The following RPL27A variants were observed in gnomAD, a reference collection of about 807,000 sequenced individuals.
The protein encoded by RPL27A is ribosomal protein L27a.
For missense variants in RPL27A, 118 were observed against 189.4 expected, an observed-to-expected ratio of 0.62 and a Z score of 2.21; for synonymous variants, 69 against 68.3, an observed-to-expected ratio of 1.01 and a Z score of -0.05.
chr11:8,682,812 A>C lies in RPL27A; in HGVS notation c.-2A>C. ...CCTTCCTTTTTCGTCTGGGCTGCCA[A>C]CATGGTAGGTGTTTCGTTTCTTGCC... On this transcript the variant is annotated 5_prime_UTR_variant, in exon 1 of 5. Transcript: ENST00000314138. 6.2e-7 allele frequency: 1 copy of C among 1,613,006 alleles called. No homozygotes were observed. The highest frequency in any genetic ancestry group is 8.5e-7 in the Non-Finnish European group (1 of 1,179,494).
chr11:8,683,094 C>G, intron 1 of RPL27A, 108 bp from the exon 2 acceptor site: 7 of 1,224,396 alleles, frequency 5.7e-6, no homozygotes, highest in Non-Finnish European at 4.8e-6. Context: ...CCCAAACGCT[C>G]CAGAAGTTAG....
intron 1 of RPL27A, 143 bp from the exon 2 acceptor site, chr11:8,683,059 T>G (rs1184586913): frequency 1.1e-6 from 1 of 950,430 alleles, no homozygotes; most frequent in Admixed American, 2.2e-5. Context: ...CTCACGGCCC[T>G]GAGCGGATCG....
chr11:8,683,895 T>C, intron 2 of RPL27A, 111 bp from the exon 3 acceptor site: 1 of 822,876 alleles, frequency 1.2e-6, no homozygotes, highest in East Asian at 2.4e-5. Context: ...TTGGCCAGGC[T>C]GGTCTCGAAC....
At position 8,685,881 on chromosome 11, in the gene RPL27A, C is replaced by G. The variant is rs954952967; in HGVS notation, c.*75C>G. The G allele has an allele frequency of 6.9e-7, 1 of 1,448,184 alleles. No homozygotes were observed. The highest frequency in any genetic ancestry group is 1.4e-5 in the African/African-American group (1 of 71,494). 89.7% of individuals were successfully genotyped at this position (1,448,184 alleles called of 1,614,324 possible). On this transcript the variant is annotated 3_prime_UTR_variant, in exon 5 of 5. Coordinates refer to ENST00000314138, the MANE Select transcript of RPL27A (RefSeq NM_000990.5). The stretch of plus-strand genomic sequence containing the variant: ...TGTGAGTGTAGGTTCTTCAGTGGCA[C>G]CTCTACATCCTGTGTGCATTGGGAG...
chr11:8,685,244 G>C (rs2039575391), intron 4 of RPL27A: 1 of 427,080 alleles, frequency 2.3e-6, no homozygotes, highest in Non-Finnish European at 4.4e-6. Context: ...GTCTGTCCTT[G>C]CGGGGGTTCT....
chr11:8,689,115 C>T lies in RPL27A; in HGVS notation c.*3309C>T, dbSNP rs1321054022. The T allele has an allele frequency of 6.6e-6, 1 of 152,274 alleles. No individual in the cohort carries two copies. The highest frequency in any genetic ancestry group is 1.5e-5 in the Non-Finnish European group (1 of 68,056). 9.4% of individuals were successfully genotyped at this position (152,274 alleles called of 1,614,324 possible). The stretch of plus-strand genomic sequence containing the variant: ...AGTGGTGCGCGAGCGCAGATAACTC[C>T]CCTGGAGAGGCGGGATGTTCAACTC... On this transcript the variant is annotated 3_prime_UTR_variant, in exon 5 of 5. Transcript: ENST00000314138.
At chr11:8,683,843 A>C in intron 2 of RPL27A, 163 bp from the exon 3 acceptor site, 1 of 658,148 alleles carries the variant, frequency 1.5e-6, no homozygotes, top group Non-Finnish European at 2.8e-6. Context: ...ACGCCCGGCT[A>C]ATTCTTTTTC....
intron 1 of RPL27A, 115 bp downstream of exon 1, chr11:8,682,931 G>A (rs1430293019): frequency 2.2e-6 from 3 of 1,370,160 alleles, no homozygotes. Context: ...GGCTGCGCAT[G>A]GCCGCCTGCG....
In RPL27A at chr11:8,687,114, C is replaced by T. The variant is rs1051119319; in HGVS notation, c.*1308C>T. 3 of 152,202 alleles carry T rather than the reference C, an allele frequency of 2.0e-5. No homozygotes were observed. The highest frequency in any genetic ancestry group is 4.8e-5 in the African/African-American group (2 of 41,442). The allele number at this position is 152,202 out of a possible 1,614,324, so 9.4% of individuals were successfully genotyped here. A position where few individuals can be genotyped will look rare whatever the true frequency, so the allele number is the denominator to read the frequency against. On this transcript the variant is annotated 3_prime_UTR_variant, in exon 5 of 5. Coordinates refer to ENST00000314138, the MANE Select transcript of RPL27A (RefSeq NM_000990.5). ...GCTAGAATTACAAGTAGTGAAACCT[C>T]GATTCAGCTGGACAATTTTAAACAA...
chr11:8,684,329 A>C (rs1386896059), intron 3 of RPL27A: 1 of 741,020 alleles, frequency 1.3e-6, no homozygotes, highest in Non-Finnish European at 2.5e-6. Flanking sequence ...GCCTTATGGC[A>C]CAGTCAGTCA....
chr11:8,688,928 C>T lies in RPL27A; in HGVS notation c.*3122C>T, dbSNP rs1347049742. 1 of 152,286 alleles carries T rather than the reference C, an allele frequency of 6.6e-6. No homozygotes were observed. Among genetic ancestry groups the T allele is most frequent in the African/African-American group, 2.4e-5 (1 of 41,474 alleles). 9.4% of individuals were successfully genotyped at this position (152,286 alleles called of 1,614,324 possible). ...CACGACCCGACCTCAGTGGCGTCCT[C>T]ACAACACAGACCGGACCTTGGGTCT... On this transcript the variant is annotated 3_prime_UTR_variant, in exon 5 of 5. Coordinates refer to ENST00000314138, the MANE Select transcript of RPL27A (RefSeq NM_000990.5).
At position 8,685,899 on chromosome 11, in the gene RPL27A, A is replaced by G; in HGVS notation, c.*93A>G. The G allele has an allele frequency of 1.6e-6, 2 of 1,272,378 alleles. No homozygotes were observed. The highest frequency in any genetic ancestry group is 2.3e-5 in the East Asian group (1 of 42,802). The allele number at this position is 1,272,378 out of a possible 1,614,324, so 78.8% of individuals were successfully genotyped here. A position where few individuals can be genotyped will look rare whatever the true frequency, so the allele number is the denominator to read the frequency against. On this transcript the variant is annotated 3_prime_UTR_variant, in exon 5 of 5. Transcript: ENST00000314138. ...AGTGGCACCTCTACATCCTGTGTGC[A>G]TTGGGAGCCCAGGTTCTAGTACTTA...
Position 8,684,752 on chromosome 11 carries a change from C to T in RPL27A, c.178C>T (p.His60Tyr). ...PGYFGKVGMK[H>Y]YHLKRNQSFC... The stretch of plus-strand genomic sequence containing the variant: ...CTACTTTGGGAAAGTTGGTATGAAG[C>T]ATTACCACTTAAAGAGGAACCAGAG... The change falls in exon 4 of 5, where the codon CAT (histidine) becomes TAT (tyrosine). Residue 60 changes from histidine (H) to tyrosine (Y), a missense_variant. Transcript: ENST00000314138. The T allele has an allele frequency of 6.2e-7, 1 of 1,614,084 alleles. No homozygotes were observed. The highest frequency in any genetic ancestry group is 8.5e-7 in the Non-Finnish European group (1 of 1,179,918).
chr11:8,684,318 G>T, intron 3 of RPL27A: 1 of 745,692 alleles, frequency 1.3e-6, no homozygotes, highest in East Asian at 2.5e-5. Context: ...ACTGGCTGTG[G>T]GCCTTATGGC....
rs2039552407 is a variant in RPL27A, at chr11:8,684,090, C to T, written c.143+9C>T. ...ATCAACTTCGACAAATAGTAAGTGT[C>T]CTTGGACTGCTTTTATTGACACAGC... On this transcript the variant is annotated intron_variant, in intron 3 of 4. Coordinates refer to ENST00000314138, the MANE Select transcript of RPL27A (RefSeq NM_000990.5). 2.1e-5 allele frequency: 34 copies of T among 1,609,872 alleles called. No homozygotes were observed. Among genetic ancestry groups the T allele is most frequent in the Non-Finnish European group, 2.8e-5 (33 of 1,176,652 alleles).
chr11:8,683,188 C>CA lies in RPL27A; in HGVS notation c.4-14_4-13insA. The CA allele has an allele frequency of 2.5e-6, 4 of 1,614,078 alleles. No individual in the cohort carries two copies. Among genetic ancestry groups the CA allele is most frequent in the Non-Finnish European group, 3.4e-6 (4 of 1,179,878 alleles). ...TAATTCCTTAGGCCTTACCACCAAG[C>CA]TTTTTCCACACAGCCATCCAGACTG... On this transcript the variant is annotated splice_polypyrimidine_tract_variant and intron_variant, in intron 1 of 4. Transcript: ENST00000314138.
In RPL27A at chr11:8,688,904, A is replaced by C. The variant is rs1231502553; in HGVS notation, c.*3098A>C. 6.6e-6 allele frequency: 1 copy of C among 152,276 alleles called. No individual in the cohort carries two copies. The allele number at this position is 152,276 out of a possible 1,614,324, so 9.4% of individuals were successfully genotyped here. A position where few individuals can be genotyped will look rare whatever the true frequency, so the allele number is the denominator to read the frequency against. On this transcript the variant is annotated 3_prime_UTR_variant, in exon 5 of 5. Coordinates refer to ENST00000314138, the MANE Select transcript of RPL27A (RefSeq NM_000990.5). Reference sequence around the variant, plus strand: ...CCATCGGCCGCGTTCATCAGTCAGCACGACCCGACCTCAGTGGCGTCCTCA... The same window carrying C: ...CCATCGGCCGCGTTCATCAGTCAGCCCGACCCGACCTCAGTGGCGTCCTCA...
intron 1 of RPL27A, 66 bp from the exon 2 acceptor site, chr11:8,683,136 C>T (rs2039521042): frequency 3.3e-6 from 5 of 1,502,048 alleles, no homozygotes; most frequent in Admixed American, 1.7e-5. Flanking sequence ...AGGACCATCT[C>T]GGCTGGCGGG....
rs1407195872 is a variant in RPL27A at position 8,687,383 on chromosome 11, ACT to A, written c.*1580_*1581del. On this transcript the variant is annotated 3_prime_UTR_variant, in exon 5 of 5. Transcript: ENST00000314138. ...CTCCAGCTTGGGCAACAAGAGTGAA[ACT>A]CTGTCCACCCCCCCCAAAAAAAGTA... is the stretch of plus-strand genomic sequence containing the variant. The A allele has an allele frequency of 7.7e-5, 8 of 104,552 alleles. No homozygotes were observed. The highest frequency in any genetic ancestry group is 2.9e-4 in the East Asian group (1 of 3,404). 6.5% of individuals were successfully genotyped at this position (104,552 alleles called of 1,614,324 possible).
Sources: allele counts gnomAD v4.1 joint callset, GRCh38; gene constraint gnomAD v4.1.1; transcripts MANE v1.5; gene names NCBI Gene and HGNC (gene_info 2026-07-23, HGNC 2026-07-21).